SSBP2: variants seen among roughly 807,000 people sequenced by gnomAD.
The protein encoded by SSBP2 is single stranded DNA binding protein 2.
In SSBP2, 17 loss-of-function variants were observed where a neutral mutation model predicts 61.8. The ratio of observed to expected loss-of-function variants is 0.28; its 90% CI spans 0.19 to 0.41. The LOEUF (loss-of-function observed/expected upper bound fraction) is 0.41, where lower values mean the gene tolerates loss of function less well. Ranked by LOEUF, SSBP2 falls within the 10% of genes least tolerant of loss-of-function variation. SSBP2 has a pLI of 1.00. For synonymous variants in SSBP2, 139 were observed against 141.3 expected (o/e 0.98, Z 0.12); for missense variants, 310 against 458.7 (o/e 0.68, Z 2.96).
intron 4 of SSBP2, among the ~76,000 whole-genome samples, chr5:81,588,265 A>G (rs910045829): frequency 2.6e-5 from 4 of 152,164 alleles, no homozygotes; most frequent in African/African-American, 9.7e-5. Context: ...TTGACATCCT[A>G]TAACATGCAC....
At position 81,672,119 on chromosome 5, in the gene SSBP2, ATATT is replaced by A. The variant is rs1445090622; in HGVS notation, c.63-21784_63-21781del. Among the ~76,000 whole-genome samples, 4 of 152,184 alleles carry A rather than the reference ATATT, an allele frequency of 2.6e-5. No homozygotes were observed. The East Asian group carries it at 7.7e-4, about 29-fold the overall frequency. On this transcript the variant is annotated intron_variant, in intron 1 of 16. Transcript: ENST00000320672. Reference sequence around the variant, plus strand: ...TACTACAAAACAGTAATAGCAACTTATATTTATAGTGTTTTATAGCTTATATAAT... The same window carrying A: ...TACTACAAAACAGTAATAGCAACTTATATAGTGTTTTATAGCTTATATAAT...
At chr5:81,634,032 C>A (rs1037473178) in intron 3 of SSBP2, among the ~76,000 whole-genome samples, 6 of 152,214 alleles carry the variant, frequency 3.9e-5, no homozygotes, top group African/African-American at 1.4e-4. Context: ...TCTAAATGGA[C>A]TTCCTCCTTG....
chr5:81,535,847 A>G (rs1356920013), intron 4 of SSBP2, among the ~76,000 whole-genome samples: 2 of 152,106 alleles, frequency 1.3e-5, no homozygotes, highest in Non-Finnish European at 2.9e-5. Flanking sequence ...GATGACCTTT[A>G]AGATACAATA....
chr5:81,690,924 A>G (rs1378023017), intron 1 of SSBP2, among the ~76,000 whole-genome samples: 2 of 152,158 alleles, frequency 1.3e-5, no homozygotes, highest in African/African-American at 2.4e-5. Flanking sequence ...AGTTCTGGGA[A>G]CTATATAAAC....
rs1357175866 is a variant in SSBP2, at chr5:81,492,939, A to G, written c.373-3630T>C. ...ATTAGTATAATGTAGATAGCTATAA[A>G]TATTTGAAGTGTGTGTGGGTGAGGC... On this transcript the variant is annotated intron_variant, in intron 5 of 16. Coordinates refer to ENST00000320672, the MANE Select transcript of SSBP2 (RefSeq NM_012446.5). Among the ~76,000 whole-genome samples, 3 of 152,218 alleles carry G rather than the reference A, an allele frequency of 2.0e-5. No individual in the cohort carries two copies. In the East Asian group the frequency reaches 5.8e-4, roughly 29 times the overall value.
At chr5:81,571,105 C>A (rs1426492952) in intron 4 of SSBP2, among the ~76,000 whole-genome samples, 7 of 152,154 alleles carry the variant, frequency 4.6e-5, no homozygotes, top group Non-Finnish European at 1.0e-4. Context: ...TTTTGTGGAG[C>A]AAACATACAG....
intron 1 of SSBP2, among the ~76,000 whole-genome samples, chr5:81,748,139 T>C (rs1426981502): frequency 6.6e-6 from 1 of 152,214 alleles, no homozygotes; most frequent in Non-Finnish European, 1.5e-5. Flanking sequence ...GAACTCATGT[T>C]AGAAAACACA....
intron 9 of SSBP2, among the ~76,000 whole-genome samples, chr5:81,466,034 T>C (rs900227025): frequency 6.6e-6 from 1 of 152,072 alleles, no homozygotes; most frequent in African/African-American, 2.4e-5. Flanking sequence ...TTTCACAGTG[T>C]ATCTTCAATG....
chr5:81,550,893 G>A (rs180796576), intron 4 of SSBP2, among the ~76,000 whole-genome samples: 11 of 152,112 alleles, frequency 7.2e-5, no homozygotes, highest in African/African-American at 2.2e-4. Flanking sequence ...TCAGGAGATC[G>A]AGACCATCCT....
intron 2 of SSBP2, among the ~76,000 whole-genome samples, chr5:81,647,530 T>C (rs987127301): frequency 6.6e-6 from 1 of 152,054 alleles, no homozygotes; most frequent in Non-Finnish European, 1.5e-5. Context: ...GTATTGATAA[T>C]GCATTTTTAC....
At chr5:81,650,387 A>T in intron 1 of SSBP2, 48 bp from the exon 2 acceptor site, 1 of 1,303,516 alleles carries the variant, frequency 7.7e-7, no homozygotes, top group Non-Finnish European at 1.1e-6. Flanking sequence ...ATTAAAATTC[A>T]TTCTTTAAAT....
chr5:81,729,602 C>T (rs1331475288), intron 1 of SSBP2, among the ~76,000 whole-genome samples: 1 of 152,086 alleles, frequency 6.6e-6, no homozygotes, highest in Non-Finnish European at 1.5e-5. Context: ...ATACTCTATA[C>T]TTAAAGGCTT....
intron 9 of SSBP2, among the ~76,000 whole-genome samples, chr5:81,462,491 A>G (rs1389835094): frequency 1.3e-5 from 2 of 152,198 alleles, no homozygotes; most frequent in Non-Finnish European, 2.9e-5. Context: ...CTTGAGGTAT[A>G]GAAGATACCA....
intron 4 of SSBP2, among the ~76,000 whole-genome samples, chr5:81,575,639 A>T (rs577705238): frequency 6.6e-6 from 1 of 152,174 alleles, no homozygotes; most frequent in Non-Finnish European, 1.5e-5. Flanking sequence ...TACATAGAAA[A>T]TAGTAAAACC....
At chr5:81,561,505 G>T (rs1185593020) in intron 4 of SSBP2, among the ~76,000 whole-genome samples, 1 of 151,630 alleles carries the variant, frequency 6.6e-6, no homozygotes, top group Non-Finnish European at 1.5e-5. Flanking sequence ...TATATTTTTT[G>T]TTAAAAATAA....
chr5:81,684,189 G>A (rs1419477620), intron 1 of SSBP2, among the ~76,000 whole-genome samples: 1 of 152,096 alleles, frequency 6.6e-6, no homozygotes, highest in African/African-American at 2.4e-5. Context: ...CCAATACATA[G>A]AAGCAACCAA....
At chr5:81,701,716 T>C (rs1247639089) in intron 1 of SSBP2, among the ~76,000 whole-genome samples, 3 of 152,156 alleles carry the variant, frequency 2.0e-5, no homozygotes, top group Non-Finnish European at 4.4e-5. Context: ...ACTAAAGGAA[T>C]AGACATCTTT....
chr5:81,547,116 G>A (rs6887061), intron 4 of SSBP2, among the ~76,000 whole-genome samples: 7,833 of 145,862 alleles, frequency 0.054, 380 homozygotes, highest in African/African-American at 0.13. Flanking sequence ...ACCATAAAAT[G>A]CTGGTGGGGA....
chr5:81,582,116 G>T (rs76911047), intron 4 of SSBP2, among the ~76,000 whole-genome samples: 1,585 of 152,138 alleles, frequency 0.01, 16 homozygotes, highest in Middle Eastern at 0.041. Context: ...AGCTCTGGTT[G>T]TTTTGTCTAA....
Sources: allele counts gnomAD v4.1 joint callset (sites outside exome capture counted in the v4.1 genomes callset), GRCh38; gene constraint gnomAD v4.1.1; transcripts MANE v1.5; gene names NCBI Gene and HGNC (gene_info 2026-07-23, HGNC 2026-07-21).